The following RASL12 variants were observed in gnomAD, a reference collection of about 807,000 sequenced individuals.
The protein encoded by RASL12 is ras-like protein family member 12.
A neutral mutation model predicts 22.9 loss-of-function variants in RASL12; 16 were observed. The observed-to-expected ratio is 0.70, with a 90% CI of 0.47 to 1.06. RASL12 has a LOEUF of 1.06. RASL12 is among the 50% of genes least tolerant of loss of function. The pLI is 0.00. For missense variants in RASL12, 306 were observed against 353.1 expected (o/e 0.87, Z 1.07); for synonymous variants, 159 against 152.2 (o/e 1.04, Z -0.33).
chr15:65,058,352 C>T, intron 4 of RASL12, 75 bp downstream of exon 4: 7 of 1,247,326 alleles, frequency 5.6e-6, no homozygotes, highest in Non-Finnish European at 7.5e-6. Flanking sequence ...GCCCACTAAT[C>T]CCTCAAGATG....
At chr15:65,064,606 T>TA (rs1250156084) in intron 2 of RASL12, among the ~76,000 whole-genome samples, 3 of 152,084 alleles carry the variant, frequency 2.0e-5, no homozygotes, top group Non-Finnish European at 4.4e-5. Context: ...TTTGAGTTTT[T>TA]TTTTTTTTTA....
Position 65,058,601 on chromosome 15 carries a change from C to A in RASL12, c.251G>T (p.Cys84Phe). Residue 84 changes from cysteine (C) to phenylalanine (F), a missense_variant, in exon 4 of 5, where the codon TGC becomes TTC. Transcript: ENST00000220062. ...DTADLDTPRN[C>F]ERYLNWAHAF... ...ATGGGCCCAGTTCAGGTAGCGCTCG[C>A]AGTTCCTGGGGGTGTCCTGGGGTGA... 6.4e-7 allele frequency: 1 copy of A among 1,573,832 alleles called. No individual in the cohort carries two copies. Among genetic ancestry groups the A allele is most frequent in the Non-Finnish European group, 8.7e-7 (1 of 1,153,158 alleles).
intron 1 of RASL12, among the ~76,000 whole-genome samples, chr15:65,074,294 T>C (rs1458170533): frequency 4.6e-5 from 7 of 152,244 alleles, no homozygotes; most frequent in African/African-American, 1.7e-4. Context: ...TGAATGACCC[T>C]GGACAAGTTA....
chr15:65,057,862 C>G (rs530237632), intron 4 of RASL12, among the ~76,000 whole-genome samples: 4 of 152,234 alleles, frequency 2.6e-5, no homozygotes, highest in Admixed American at 6.5e-5. Context: ...GACCCAAGAG[C>G]GCGGAAGGAG....
At chr15:65,058,052 T>C (rs1409064824) in intron 4 of RASL12, among the ~76,000 whole-genome samples, 1 of 152,068 alleles carries the variant, frequency 6.6e-6, no homozygotes, top group Non-Finnish European at 1.5e-5. Context: ...AGGCGGATCA[T>C]GAGTTCAGGA....
upstream of RASL12, among the ~76,000 whole-genome samples, chr15:65,072,358 A>C (rs2086937711): frequency 6.6e-6 from 1 of 152,180 alleles, no homozygotes; most frequent in Non-Finnish European, 1.5e-5. Context: ...ACTGGATGGG[A>C]GTTCCCTAGC....
Position 65,053,805 on chromosome 15 carries a change from T to G in RASL12, c.*1094A>C. On this transcript the variant is annotated 3_prime_UTR_variant, in exon 5 of 5. Transcript: ENST00000220062. ...ACTGCCTGCCTTGGACAGCCTTTTCTTGCTAACAGTGGGATCTCAAAGGTG... is the reference window on the plus strand; with the variant it reads ...ACTGCCTGCCTTGGACAGCCTTTTCGTGCTAACAGTGGGATCTCAAAGGTG... The G allele has an allele frequency of 1.0e-6, 1 of 986,176 alleles. No individual in the cohort carries two copies. The highest frequency in any genetic ancestry group is 1.2e-6 in the Non-Finnish European group (1 of 830,210). 61.1% of individuals were successfully genotyped at this position (986,176 alleles called of 1,614,324 possible). A position where few individuals can be genotyped will look rare whatever the true frequency, so the allele number is the denominator to read the frequency against.
downstream of RASL12, among the ~76,000 whole-genome samples, chr15:65,051,854 G>A (rs185540905): frequency 5.9e-5 from 9 of 152,322 alleles, no homozygotes; most frequent in East Asian, 1.5e-3. Context: ...TGACCTGGAG[G>A]AGTGTAGCCA....
upstream of RASL12, chr15:65,068,239 G>A (rs944881885): frequency 2.0e-6 from 2 of 988,418 alleles, no homozygotes; most frequent in East Asian, 1.1e-4. The surrounding 1 kb of genome is among the most constrained non-coding windows in gnomAD (Gnocchi z 4.2). Context: ...GGGCTAGGGG[G>A]AGAGAGGGGA....
At position 65,053,407 on chromosome 15, in the gene RASL12, C is replaced by G; in HGVS notation, c.*1492G>C. On this transcript the variant is annotated 3_prime_UTR_variant, in exon 5 of 5. Transcript: ENST00000220062. The stretch of plus-strand genomic sequence containing the variant: ...AGCAGGTGGTATTGCATAGTTTGTT[C>G]AGATGGCAGTGGTACACACACACAT... 3 of 1,329,168 alleles carry G rather than the reference C, an allele frequency of 2.3e-6. No individual in the cohort carries two copies. The highest frequency in any genetic ancestry group is 2.9e-6 in the Non-Finnish European group (3 of 1,040,324). The allele number at this position is 1,329,168 out of a possible 1,614,324, so 82.3% of individuals were successfully genotyped here.
intron 1 of RASL12, among the ~76,000 whole-genome samples, chr15:65,066,353 T>G (rs945894578): frequency 3.9e-5 from 6 of 152,014 alleles, no homozygotes; most frequent in African/African-American, 1.4e-4. Flanking sequence ...CTGTTATCTC[T>G]AAAAAAATTG....
At chr15:65,065,321 G>A (rs1595908494) in intron 1 of RASL12, 48 bp from the exon 2 acceptor site, 1 of 1,571,514 alleles carries the variant, frequency 6.4e-7, no homozygotes, top group Non-Finnish European at 8.7e-7. Context: ...GCCATGTCTA[G>A]CTGCTGGCCC....
At chr15:65,052,729 C>A (rs892248719), downstream of RASL12, among the ~76,000 whole-genome samples, 3 of 152,008 alleles carry the variant, frequency 2.0e-5, no homozygotes, top group Non-Finnish European at 2.9e-5. Context: ...TTGGAAGGTG[C>A]GGGGGTGGCA....
At chr15:65,063,835 C>T (rs1344082882) in intron 2 of RASL12, among the ~76,000 whole-genome samples, 1 of 152,224 alleles carries the variant, frequency 6.6e-6, no homozygotes, top group Non-Finnish European at 1.5e-5. Context: ...AGGGGCTGGG[C>T]ACCACTAGGG....
chr15:65,065,619 A>T (rs530522630), intron 1 of RASL12, among the ~76,000 whole-genome samples: 1 of 152,272 alleles, frequency 6.6e-6, no homozygotes, highest in East Asian at 1.9e-4. Flanking sequence ...AACTGAAGGG[A>T]GGTGTCGCCC....
rs1399364668 is a variant in RASL12, at chr15:65,058,420, T to G, written c.425+7A>C. 2.0e-6 allele frequency: 3 copies of G among 1,480,844 alleles called. No homozygotes were observed. Among genetic ancestry groups the G allele is most frequent in the East Asian group, 2.4e-5 (1 of 40,910 alleles). The allele number at this position is 1,480,844 out of a possible 1,614,324, so 91.7% of individuals were successfully genotyped here. On this transcript the variant is annotated splice_region_variant and intron_variant, in intron 4 of 4. Coordinates refer to ENST00000220062, the MANE Select transcript of RASL12 (RefSeq NM_016563.4). The stretch of plus-strand genomic sequence containing the variant: ...CTGGAGATAACGGCCAAGCAGGCTG[T>G]GCTCACCTGTACTGAGCCATGTCCA...
chr15:65,068,858 G>C (rs1251787546), upstream of RASL12, among the ~76,000 whole-genome samples: 5 of 152,206 alleles, frequency 3.3e-5, no homozygotes, highest in South Asian at 8.3e-4. The surrounding 1 kb of genome is among the most constrained non-coding windows in gnomAD (Gnocchi z 4.2). Flanking sequence ...AAGTCACCTT[G>C]CTTCTTTGGG....
At position 65,055,066 on chromosome 15, in the gene RASL12, C is replaced by A. The variant is rs139151034; in HGVS notation, c.634G>T (p.Ala212Ser). Reference sequence around the variant, plus strand: ...GTGCAGCTGGCCAGCCCATGCCGCGCGGTGAGCGGGGCCTGGTGGGGCAGG... The same window carrying A: ...GTGCAGCTGGCCAGCCCATGCCGCGAGGTGAGCGGGGCCTGGTGGGGCAGG... ...RALPHQAPLTARHGLASCTFN... is the reference protein window; with the variant it reads ...RALPHQAPLTSRHGLASCTFN... Residue 212 changes from alanine (A) to serine (S), a missense_variant, in exon 5 of 5, where the codon GCG becomes TCG. Transcript: ENST00000220062. The A allele has an allele frequency of 2.3e-5, 37 of 1,612,914 alleles. 1 individual carries two copies. The African/African-American group carries it at 2.9e-4, about 13-fold the overall frequency.
At chr15:65,056,358 C>T (rs939990645) in intron 4 of RASL12, among the ~76,000 whole-genome samples, 1 of 152,084 alleles carries the variant, frequency 6.6e-6, no homozygotes, top group African/African-American at 2.4e-5. Flanking sequence ...TGGTGAGGCA[C>T]GCGGTCTCAG....
Sources: allele counts gnomAD v4.1 joint callset (sites outside exome capture counted in the v4.1 genomes callset), GRCh38; gene constraint gnomAD v4.1.1; non-coding constraint Gnocchi (gnomAD v3.1); transcripts MANE v1.5; gene names NCBI Gene and HGNC (gene_info 2026-07-23, HGNC 2026-07-21).